KRT27: variants seen among roughly 807,000 people sequenced by gnomAD.
The protein encoded by KRT27 is keratin 27.
KRT27 carries 30 observed loss-of-function variants against 45.3 expected under a neutral mutation model. The observed-to-expected ratio is 0.66, with a 90% confidence interval of 0.50 to 0.90. The LOEUF (loss-of-function observed/expected upper bound fraction) is 0.90. Ranked by LOEUF, KRT27 falls within the 40% of genes least tolerant of loss-of-function variation. The pLI, the probability that KRT27 is intolerant of heterozygous loss-of-function variation, is 0.00. For missense variants in KRT27, 610 were observed against 564.3 expected (o/e 1.08, Z -0.82); for synonymous variants, 204 against 223.9 (o/e 0.91, Z 0.79).
At chr17:40,781,155 T>A (rs770735407) in intron 2 of KRT27, 33 bp downstream of exon 2, 60 of 1,391,306 alleles carry the variant, frequency 4.3e-5, no homozygotes, top group Non-Finnish European at 5.3e-5. Context: ...CTTAGACAAC[T>A]TTTTTTTCCC....
chr17:40,777,749 C>T lies in KRT27; in HGVS notation c.973-17G>A. 3 of 1,612,478 alleles carry T rather than the reference C, an allele frequency of 1.9e-6. No homozygotes were observed. Among genetic ancestry groups the T allele is most frequent in the South Asian group, 1.1e-5 (1 of 91,028 alleles). Reference sequence around the variant, plus strand: ...GGAGTGTTTCTGTAGTTTGGTAAGACATGGTTTAATAGAAAAGGTCACGGT... The same window carrying T: ...GGAGTGTTTCTGTAGTTTGGTAAGATATGGTTTAATAGAAAAGGTCACGGT... On this transcript the variant is annotated splice_polypyrimidine_tract_variant and intron_variant, in intron 5 of 7. Transcript: ENST00000301656.
rs1246587822 is a variant in KRT27 at position 40,776,922 on chromosome 17, A to C, written c.*77T>G. 7.4e-7 allele frequency: 1 copy of C among 1,342,506 alleles called. No homozygotes were observed. The highest frequency in any genetic ancestry group is 1.5e-5 in the African/African-American group (1 of 68,332). 83.2% of individuals were successfully genotyped at this position (1,342,506 alleles called of 1,614,324 possible). A position where few individuals can be genotyped will look rare whatever the true frequency, so the allele number is the denominator to read the frequency against. ...TTCATTGGAAGAAAAGCAGAAAAAT[A>C]AGGGGACCCTTATTTAGGAAACTAG... On this transcript the variant is annotated 3_prime_UTR_variant, in exon 8 of 8. Transcript: ENST00000301656.
chr17:40,781,884 C>G (rs1354364466), intron 1 of KRT27, among the ~76,000 whole-genome samples, 166 bp downstream of exon 1: 1 of 131,592 alleles, frequency 7.6e-6, no homozygotes, highest in Non-Finnish European at 1.8e-5. Context: ...GTGCCATGTT[C>G]AAATATTAGA....
intron 3 of KRT27, among the ~76,000 whole-genome samples, 157 bp downstream of exon 3, chr17:40,780,143 A>G (rs1456415867): frequency 6.6e-6 from 1 of 152,246 alleles, no homozygotes; most frequent in African/African-American, 2.4e-5. Context: ...TCTTTTGAGA[A>G]GAATGAATAG....
At chr17:40,780,581 C>T in intron 2 of KRT27, 125 bp from the exon 3 acceptor site, 1 of 893,932 alleles carries the variant, frequency 1.1e-6, no homozygotes, top group Non-Finnish European at 1.6e-6. Flanking sequence ...AAACTTCAGG[C>T]CGGGCGCGGT....
chr17:40,781,857 A>C (rs1215156490), intron 1 of KRT27, among the ~76,000 whole-genome samples, 193 bp downstream of exon 1: 1 of 152,084 alleles, frequency 6.6e-6, no homozygotes, highest in Non-Finnish European at 1.5e-5. Flanking sequence ...GCATATACCT[A>C]ATACTACATG....
intron 1 of KRT27, 127 bp from the exon 2 acceptor site, chr17:40,781,397 C>G: frequency 1.7e-6 from 1 of 600,680 alleles, no homozygotes; most frequent in Non-Finnish European, 3.0e-6. Flanking sequence ...TCAGACCATT[C>G]TTTTGAAGAT....
At chr17:40,777,387 CA>C in intron 6 of KRT27, 85 bp from the exon 7 acceptor site, 2 of 1,535,558 alleles carry the variant, frequency 1.3e-6, no homozygotes, top group East Asian at 4.5e-5. Context: ...GAATTCACTG[CA>C]TTCTGAAATA....
In KRT27 at chr17:40,776,830, T is replaced by G. The variant is rs144921358; in HGVS notation, c.*169A>C. On this transcript the variant is annotated 3_prime_UTR_variant, in exon 8 of 8. Coordinates refer to ENST00000301656, the MANE Select transcript of KRT27 (RefSeq NM_181537.4). ...AGATGACTTGCAACAGGAAGAACTT[T>G]TATTGAAACACCACCATAGAGAAAA... The G allele has an allele frequency of 9.1e-4, 492 of 540,320 alleles. 4 individuals are homozygous for G. Among genetic ancestry groups the G allele is most frequent in the African/African-American group, 6.3e-3 (331 of 52,466 alleles). 33.5% of individuals were successfully genotyped at this position (540,320 alleles called of 1,614,324 possible). A position where few individuals can be genotyped will look rare whatever the true frequency, so the allele number is the denominator to read the frequency against.
chr17:40,779,093 C>T (rs554966891), intron 5 of KRT27, among the ~76,000 whole-genome samples: 1 of 152,136 alleles, frequency 6.6e-6, no homozygotes, highest in Non-Finnish European at 1.5e-5. Context: ...CTCCCTATTT[C>T]TCTGTAATTT....
At position 40,782,445 on chromosome 17, in the gene KRT27, C is replaced by T. The variant is rs1233552300; in HGVS notation, c.49G>A (p.Gly17Ser). The T allele has an allele frequency of 6.2e-7, 1 of 1,606,370 alleles. No homozygotes were observed. The highest frequency in any genetic ancestry group is 1.7e-4 in the Middle Eastern group (1 of 6,058). The change falls in exon 1 of 8, where the codon GGC (glycine) becomes AGC (serine). Residue 17 changes from glycine (G) to serine (S), a missense_variant. Transcript: ENST00000301656. ...CTAGAGAGCCTCACAGAGCCAGTGC[C>T]CCCGCAAGAGCCAAGTCTCCTGGAG... ...STSRRLGSCG[G>S]TGSVRLSSGG... is the part of the protein sequence containing the mutation.
At position 40,777,655 on chromosome 17, in the gene KRT27, G is replaced by C; in HGVS notation, c.1050C>G (p.Ile350Met). Reference sequence around the variant, plus strand: ...GGTGCAGCTGCTCCTCCAGGGCCCCGATCTGAGCCTGGATCTGTGCCAGCT... The same window carrying C: ...GGTGCAGCTGCTCCTCCAGGGCCCCCATCTGAGCCTGGATCTGTGCCAGCT... ...CAQLAQIQAQIGALEEQLHQV... is the reference protein window; with the variant it reads ...CAQLAQIQAQMGALEEQLHQV... The change falls in exon 6 of 8, where the codon ATC becomes ATG. Residue 350 changes from isoleucine to methionine, a missense_variant. Physicochemically the swap from Ile to Met is conservative, Grantham distance 10 (BLOSUM62 1). Transcript: ENST00000301656. 6.2e-7 allele frequency: 1 copy of C among 1,614,088 alleles called. No homozygotes were observed. The highest frequency in any genetic ancestry group is 8.5e-7 in the Non-Finnish European group (1 of 1,180,010).
intron 3 of KRT27, 118 bp downstream of exon 3, chr17:40,780,182 G>T: frequency 9.4e-7 from 1 of 1,065,024 alleles, no homozygotes; most frequent in Non-Finnish European, 1.3e-6. Flanking sequence ...AAGCCTTATG[G>T]AGAAACTGAC....
At chr17:40,778,804 T>A (rs1471081518) in intron 5 of KRT27, among the ~76,000 whole-genome samples, 1 of 152,068 alleles carries the variant, frequency 6.6e-6, no homozygotes, top group African/African-American at 2.4e-5. Flanking sequence ...GTGGTGCAAA[T>A]GTATTTTTGC....
Position 40,780,444 on chromosome 17 carries a change from C to T in KRT27, c.540G>A (p.Glu180=). 6.2e-7 allele frequency: 1 copy of T among 1,613,312 alleles called. No individual in the cohort carries two copies. Among genetic ancestry groups the T allele is most frequent in the Non-Finnish European group, 8.5e-7 (1 of 1,179,800 alleles). The part of the protein sequence containing the change: ...ADDFRLKFEN[E]LALHQSVEAD... The stretch of plus-strand genomic sequence containing the variant: ...CCTCCACGCTCTGGTGAAGCGCTAG[C>T]TCGTTTTCAAACCTTAGAAAAGTAT... Residue 180 remains glutamate (E), a synonymous_variant, in exon 3 of 8, where the codon GAG becomes GAA. Coordinates refer to ENST00000301656, the MANE Select transcript of KRT27 (RefSeq NM_181537.4).
intron 5 of KRT27, among the ~76,000 whole-genome samples, chr17:40,778,840 T>C (rs1214584106): frequency 1.5e-5 from 2 of 130,016 alleles, no homozygotes; most frequent in Admixed American, 7.5e-5. Flanking sequence ...GGATTTTTTT[T>C]CTTTTTTTTT....
chr17:40,776,912 G>T lies in KRT27; in HGVS notation c.*87C>A. 1.6e-6 allele frequency: 2 copies of T among 1,221,268 alleles called. No homozygotes were observed. The highest frequency in any genetic ancestry group is 2.3e-6 in the Non-Finnish European group (2 of 867,948). 75.7% of individuals were successfully genotyped at this position (1,221,268 alleles called of 1,614,324 possible). On this transcript the variant is annotated 3_prime_UTR_variant, in exon 8 of 8. Coordinates refer to ENST00000301656, the MANE Select transcript of KRT27 (RefSeq NM_181537.4). The stretch of plus-strand genomic sequence containing the variant: ...CTTGTCTTAATTCATTGGAAGAAAA[G>T]CAGAAAAATAAGGGGACCCTTATTT...
Position 40,779,497 on chromosome 17 carries a change from C to T in KRT27, c.972+5G>A. 1.3e-6 allele frequency: 2 copies of T among 1,594,694 alleles called. No individual in the cohort carries two copies. The highest frequency in any genetic ancestry group is 1.7e-6 in the Non-Finnish European group (2 of 1,170,350). ...AGCAAATCTGTTTTGTAACTTTTCG[C>T]TTACCGTTGCTAAGAGGGACTGAAG... On this transcript the variant is annotated splice_donor_5th_base_variant and intron_variant, in intron 5 of 7. Transcript: ENST00000301656.
Position 40,780,292 on chromosome 17 carries a change from G to T in KRT27, c.684+8C>A, listed in dbSNP as rs1359096516. On this transcript the variant is annotated splice_region_variant and intron_variant, in intron 3 of 7. Coordinates refer to ENST00000301656, the MANE Select transcript of KRT27 (RefSeq NM_181537.4). ...CGATTGTGAGAGCCAGCCGGGTGGA[G>T]CTTCTACCTCCTCATGATTCTTCTT... 1 of 1,593,790 alleles carries T rather than the reference G, an allele frequency of 6.3e-7. No individual in the cohort carries two copies. Among genetic ancestry groups the T allele is most frequent in the Non-Finnish European group, 8.5e-7 (1 of 1,170,216 alleles).
Sources: gnomAD v4.1 joint callset for allele counts (sites outside exome capture counted in the v4.1 genomes callset) on GRCh38, gnomAD v4.1.1 for gene constraint, MANE v1.5 for transcripts, NCBI Gene and HGNC (gene_info 2026-07-23, HGNC 2026-07-21) for gene names.